PACS2: variants seen among roughly 807,000 people sequenced by gnomAD.
PACS2 encodes phosphofurin acidic cluster sorting protein 2, also known as PACS1-like protein.
Under a neutral mutation model 113.0 loss-of-function variants are expected in PACS2, and 36 were observed. The ratio of observed to expected loss-of-function variants is 0.32; its 90% confidence interval spans 0.24 to 0.42. The LOEUF (loss-of-function observed/expected upper bound fraction) is 0.42. PACS2 is among the 10% of genes least tolerant of loss of function. The pLI is 1.00. For synonymous variants in PACS2, 589 were observed against 536.1 expected (o/e 1.10, Z -1.36); for missense variants, 1,015 against 1,239.5 (o/e 0.82, Z 2.72).
intron 1 of PACS2, among the ~76,000 whole-genome samples, chr14:105,316,706 T>C (rs1159742508): frequency 1.4e-5 from 2 of 142,276 alleles, no homozygotes; most frequent in African/African-American, 5.3e-5. Context: ...GGGGAGGGTA[T>C]GGGTAGGGCG....
At chr14:105,373,980 C>T (rs768777910) in intron 8 of PACS2, among the ~76,000 whole-genome samples, 36 of 151,788 alleles carry the variant, frequency 2.4e-4, no homozygotes, top group Non-Finnish European at 4.4e-4. Context: ...AGTGAAATCC[C>T]GTCTCTACTA....
Position 105,355,066 on chromosome 14 carries a change from G to A in PACS2, c.312G>A (p.Leu104=). Residue 104 remains leucine, a synonymous_variant, in exon 4 of 25, where the codon TTG becomes TTA. Coordinates refer to ENST00000447393, the MANE Select transcript of PACS2 (RefSeq NM_001100913.3). This position sits in a 1 kb window ranked among gnomAD's most constrained non-coding sequence, Gnocchi z 4.1. ...LTFSLQYPHF[L]KREGNKLQIM... Reference sequence around the variant, plus strand: ...TGTGCCCACAGTATCCTCACTTCTTGAAGAGGGAAGGCAACAAGCTTCAGA... The same window carrying A: ...TGTGCCCACAGTATCCTCACTTCTTAAAGAGGGAAGGCAACAAGCTTCAGA... The A allele has an allele frequency of 6.2e-7, 1 of 1,613,410 alleles. No individual in the cohort carries two copies. Among genetic ancestry groups the A allele is most frequent in the South Asian group, 1.1e-5 (1 of 91,038 alleles).
chr14:105,336,061 A>T lies in PACS2; in HGVS notation c.120-12432A>T, dbSNP rs587604042. On this transcript the variant is annotated intron_variant, in intron 1 of 24. Coordinates refer to ENST00000447393, the MANE Select transcript of PACS2 (RefSeq NM_001100913.3). Reference sequence around the variant, plus strand: ...AGCAGGGCACGGAGCGTGTGTGGCCAGCTGCCGCCACAGGCCCCCAGCTCC... The same window carrying T: ...AGCAGGGCACGGAGCGTGTGTGGCCTGCTGCCGCCACAGGCCCCCAGCTCC... Among the ~76,000 whole-genome samples the T allele has an allele frequency of 1.7e-4, 26 of 152,296 alleles. No individual in the cohort carries two copies. The East Asian group carries it at 5.0e-3, about 29-fold the overall frequency.
intron 10 of PACS2, 114 bp downstream of exon 10, chr14:105,379,943 C>A: frequency 7.7e-7 from 1 of 1,303,914 alleles, no homozygotes; most frequent in Non-Finnish European, 1.1e-6. Flanking sequence ...TGTCCTGGAG[C>A]CACTCTGCAC....
upstream of PACS2, among the ~76,000 whole-genome samples, chr14:105,313,430 A>G (rs376903973): frequency 2.6e-5 from 4 of 152,358 alleles, no homozygotes; most frequent in African/African-American, 9.6e-5. Context: ...CATGGCTCTC[A>G]GTGTACCACC....
At chr14:105,310,533 C>CAAAAAA (rs764203821), upstream of PACS2, among the ~76,000 whole-genome samples, 2 of 79,698 alleles carry the variant, frequency 2.5e-5, no homozygotes, top group African/African-American at 5.2e-5. Context: ...GACTCTGTCT[C>CAAAAAA]AAAAAAAAAA....
chr14:105,388,966 T>C (rs2081268303), intron 19 of PACS2: 1 of 152,378 alleles, frequency 6.6e-6, no homozygotes, highest in Non-Finnish European at 1.5e-5. Context: ...CCTCTGGATC[T>C]TTCCTGGGGC....
intron 16 of PACS2, chr14:105,383,889 G>A (rs55752734): frequency 0.018 from 5,077 of 289,732 alleles, 86 homozygotes; most frequent in Non-Finnish European, 0.026. Context: ...AGCAGGGCTC[G>A]TTATTAATCC....
At chr14:105,331,505 C>T (rs2059301101) in intron 1 of PACS2, among the ~76,000 whole-genome samples, 1 of 152,204 alleles carries the variant, frequency 6.6e-6, no homozygotes, top group Non-Finnish European at 1.5e-5. Flanking sequence ...CAGCCTCAAA[C>T]TCTGGGGCTC....
intron 17 of PACS2, among the ~76,000 whole-genome samples, 159 bp from the exon 18 acceptor site, chr14:105,384,720 C>T (rs1432733361): frequency 7.9e-5 from 12 of 152,288 alleles, no homozygotes; most frequent in Admixed American, 2.0e-4. Context: ...GGTACTGCCT[C>T]GAGAGTAGAG....
rs782450287 is a variant in PACS2, at chr14:105,367,290, C to T, written c.501C>T (p.Ala167=). ...SSIKEAPVKA[A]EIWIASLSSQ... is the part of the protein sequence containing the mutation. ...TCAAGGAGGCCCCCGTCAAGGCGGCCGAGATCTGGATCGCCTCCCTGTCCA... is the reference window on the plus strand; with the variant it reads ...TCAAGGAGGCCCCCGTCAAGGCGGCTGAGATCTGGATCGCCTCCCTGTCCA... The change falls in exon 5 of 25, where the codon GCC becomes GCT. Residue 167 remains alanine, a synonymous_variant. Transcript: ENST00000447393. 22 of 1,613,174 alleles carry T rather than the reference C, an allele frequency of 1.4e-5. No individual in the cohort carries two copies. Among genetic ancestry groups the T allele is most frequent in the Non-Finnish European group, 1.6e-5 (19 of 1,180,016 alleles).
rs777172836 is a variant in PACS2, at chr14:105,317,897, T to G, written c.119+2860T>G. Among the ~76,000 whole-genome samples the G allele has an allele frequency of 1.3e-5, 2 of 152,180 alleles. No homozygotes were observed. The highest frequency in any genetic ancestry group is 2.9e-5 in the Non-Finnish European group (2 of 68,024). On this transcript the variant is annotated intron_variant, in intron 1 of 24. Transcript: ENST00000447393. This position sits in a 1 kb window ranked among gnomAD's most constrained non-coding sequence, Gnocchi z 4.2. ...ATGCTGGGCTGTTGTTGGGGAGGCC[T>G]GTGCTCCGGGTTTCCTTGCGACGCT...
chr14:105,389,756 G>A (rs1442434689), intron 19 of PACS2: 2 of 612,624 alleles, frequency 3.3e-6, no homozygotes, highest in African/African-American at 3.7e-5. Flanking sequence ...AGGGGCCCAG[G>A]CGTTGGTCCT....
intron 4 of PACS2, among the ~76,000 whole-genome samples, chr14:105,364,810 C>T (rs1331713293): frequency 2.0e-5 from 3 of 151,352 alleles, no homozygotes; most frequent in Non-Finnish European, 4.4e-5. Context: ...AGTCCTCCCA[C>T]CTCAGTCCTC....
chr14:105,368,527 G>T lies in PACS2; in HGVS notation c.729G>T (p.Thr243=). 2 of 1,613,524 alleles carry T rather than the reference G, an allele frequency of 1.2e-6. No individual in the cohort carries two copies. Among genetic ancestry groups the T allele is most frequent in the Non-Finnish European group, 1.7e-6 (2 of 1,179,492 alleles). Residue 243 remains threonine, a synonymous_variant, in exon 7 of 25, where the codon ACG becomes ACT. Transcript: ENST00000447393. The part of the protein sequence containing the change: ...KKQRRSIVRT[T]SMTRQQNFKQ... ...AGCGGAGATCGATTGTAAGAACGAC[G>T]TCCATGACCAGGGTTGGTGGAGACT...
At chr14:105,383,933 C>A (rs980419103) in intron 16 of PACS2, 2 of 273,076 alleles carry the variant, frequency 7.3e-6, no homozygotes, top group South Asian at 5.2e-5. Context: ...TCGTCGAACT[C>A]CATTACTTCT....
rs2081574336 is a variant in PACS2, at chr14:105,398,026, T to C, written c.*3354T>C. 6.6e-6 allele frequency: 1 copy of C among 152,276 alleles called. No individual in the cohort carries two copies. The allele number at this position is 152,276 out of a possible 1,614,324, so 9.4% of individuals were successfully genotyped here. On this transcript the variant is annotated 3_prime_UTR_variant, in exon 25 of 25. Transcript: ENST00000447393. Reference sequence around the variant, plus strand: ...TAGGATGTATGTGTTGCTAGTTTTTTTTAATGAAACCCTGGATTAATGTAA... The same window carrying C: ...TAGGATGTATGTGTTGCTAGTTTTTCTTAATGAAACCCTGGATTAATGTAA...
upstream of PACS2, among the ~76,000 whole-genome samples, chr14:105,313,800 C>T (rs1020385447): frequency 6.6e-6 from 1 of 152,262 alleles, no homozygotes; most frequent in African/African-American, 2.4e-5. Context: ...TCCTAAATCT[C>T]GGCTTGGCAT....
chr14:105,392,871 A>G, intron 23 of PACS2, 26 bp downstream of exon 23: 1 of 1,532,596 alleles, frequency 6.5e-7, no homozygotes, highest in Non-Finnish European at 8.9e-7. Flanking sequence ...CTATAAGGCC[A>G]CACGGCGCAG....
Sources: gnomAD v4.1 joint callset for allele counts (sites outside exome capture counted in the v4.1 genomes callset) on GRCh38, gnomAD v4.1.1 for gene constraint, Gnocchi (gnomAD v3.1) non-coding constraint, MANE v1.5 for transcripts, NCBI Gene and HGNC (gene_info 2026-07-23, HGNC 2026-07-21) for gene names.